CDH12: variants seen among roughly 807,000 people sequenced by gnomAD.
The protein encoded by CDH12 is cadherin 12.
A neutral mutation model predicts 74.1 loss-of-function variants in CDH12; 41 were observed. That is an observed-to-expected ratio of 0.55 (90% CI 0.43 to 0.72). CDH12 has a LOEUF of 0.72. Among genes scored for constraint, CDH12 ranks in the 30% least tolerant of loss-of-function variants. The probability of loss-of-function intolerance (pLI) is 0.00; values close to 1 mark genes in which losing one functional copy is unlikely to be tolerated. For synonymous variants in CDH12, 399 were observed against 355.0 expected (o/e 1.12, Z -1.39); for missense variants, 945 against 977.2 (o/e 0.97, Z 0.44).
intron 2 of CDH12, among the ~76,000 whole-genome samples, chr5:22,487,648 A>C (rs2126634921): frequency 6.6e-6 from 1 of 152,338 alleles, no homozygotes; most frequent in East Asian, 1.9e-4. Flanking sequence ...TATATAAATT[A>C]GAGATGCAAT....
intron 3 of CDH12, among the ~76,000 whole-genome samples, chr5:22,266,974 T>C (rs963134640): frequency 1.3e-5 from 2 of 152,138 alleles, no homozygotes; most frequent in Non-Finnish European, 2.9e-5. Flanking sequence ...TCCTGCATTT[T>C]CCTTTCTAAG....
In CDH12 at chr5:22,430,296, C is replaced by T. The variant is rs116347839; in HGVS notation, c.-427-24945G>A. On this transcript the variant is annotated intron_variant, in intron 2 of 14. Transcript: ENST00000382254. ...ACCTCATGGGATCACTTGAACCTCA[C>T]GGTACACATCAGAGAGATAAAAGAA... 7.4e-3 allele frequency among the ~76,000 whole-genome samples: 1,125 copies of T among 151,980 alleles called. 4 individuals are homozygous for T. Among genetic ancestry groups the T allele is most frequent in the Non-Finnish European group, 9.3e-3 (635 of 67,986 alleles).
At chr5:22,560,749 T>G (rs1739013588) in intron 1 of CDH12, among the ~76,000 whole-genome samples, 1 of 152,180 alleles carries the variant, frequency 6.6e-6, no homozygotes. Context: ...CAAAGGTATT[T>G]AATTTATTTT....
chr5:22,750,851 C>T (rs915793961), intron 1 of CDH12, among the ~76,000 whole-genome samples: 2 of 151,344 alleles, frequency 1.3e-5, no homozygotes, highest in African/African-American at 4.9e-5. Context: ...AAGTCAGGTC[C>T]CAACTCAACA....
intron 1 of CDH12, among the ~76,000 whole-genome samples, chr5:22,593,390 A>G (rs1260743636): frequency 6.6e-6 from 1 of 152,204 alleles, no homozygotes; most frequent in Non-Finnish European, 1.5e-5. Context: ...ATCACTGATT[A>G]GCTACCCAGA....
Position 21,864,517 on chromosome 5 carries a change from A to G in CDH12, c.527-9727T>C, listed in dbSNP as rs1173310773. 3.9e-5 allele frequency among the ~76,000 whole-genome samples: 6 copies of G among 152,118 alleles called. 1 individual carries two copies. The South Asian group carries it at 8.3e-4, about 21-fold the overall frequency. ...TGCCCATACTGGATGCAACTTCTCA[A>G]TCTTGGACTGCCTGTCCTCCAGAAC... On this transcript the variant is annotated intron_variant, in intron 6 of 14. Coordinates refer to ENST00000382254, the MANE Select transcript of CDH12 (RefSeq NM_004061.5).
At chr5:22,554,571 G>A (rs1435931420) in intron 1 of CDH12, among the ~76,000 whole-genome samples, 1 of 152,056 alleles carries the variant, frequency 6.6e-6, no homozygotes, top group Admixed American at 6.5e-5. Flanking sequence ...GGATGGTTAT[G>A]GAATGAAGGT....
At chr5:22,042,419 C>A (rs1363021157) in intron 5 of CDH12, among the ~76,000 whole-genome samples, 3 of 151,754 alleles carry the variant, frequency 2.0e-5, no homozygotes, top group African/African-American at 7.3e-5. Context: ...GAAAATAAGG[C>A]AGAAAACTCA....
chr5:22,573,377 G>A (rs1253804428), intron 1 of CDH12, among the ~76,000 whole-genome samples: 2 of 151,934 alleles, frequency 1.3e-5, no homozygotes, highest in African/African-American at 4.8e-5. Context: ...CAGTTTTCGA[G>A]AACACTTCCC....
At chr5:22,299,879 T>C (rs1737793071) in intron 3 of CDH12, among the ~76,000 whole-genome samples, 1 of 152,208 alleles carries the variant, frequency 6.6e-6, no homozygotes, top group Non-Finnish European at 1.5e-5. Context: ...GAAGTTCCTG[T>C]CATTTTTTCT....
chr5:22,343,858 G>A (rs1195931980), intron 3 of CDH12, among the ~76,000 whole-genome samples: 3 of 152,182 alleles, frequency 2.0e-5, no homozygotes, highest in Non-Finnish European at 2.9e-5. Context: ...TTCTCTCTTA[G>A]CACAACTATC....
At chr5:22,191,025 T>C (rs1199836760) in intron 4 of CDH12, among the ~76,000 whole-genome samples, 1 of 152,230 alleles carries the variant, frequency 6.6e-6, no homozygotes, top group Non-Finnish European at 1.5e-5. Flanking sequence ...TCCTGTCCCA[T>C]TCCAAACTTC....
intron 3 of CDH12, among the ~76,000 whole-genome samples, chr5:22,326,642 C>T (rs1306780130): frequency 1.3e-5 from 2 of 152,120 alleles, no homozygotes; most frequent in Non-Finnish European, 2.9e-5. Context: ...ATCCTAGACA[C>T]ACAGGAATGT....
chr5:22,462,402 G>T (rs1745557977), intron 2 of CDH12, among the ~76,000 whole-genome samples: 1 of 152,282 alleles, frequency 6.6e-6, no homozygotes, highest in East Asian at 1.9e-4. Flanking sequence ...TTAGAGGGCT[G>T]TTGGACATGG....
intron 3 of CDH12, among the ~76,000 whole-genome samples, chr5:22,393,273 T>C (rs983757429): frequency 1.3e-5 from 2 of 151,880 alleles, no homozygotes; most frequent in Non-Finnish European, 2.9e-5. Context: ...AACGTTAGAG[T>C]GAAGTGGCCA....
At chr5:22,049,310 T>C (rs1282935944) in intron 5 of CDH12, among the ~76,000 whole-genome samples, 1 of 152,088 alleles carries the variant, frequency 6.6e-6, no homozygotes, top group Non-Finnish European at 1.5e-5. Flanking sequence ...TTTTACATCA[T>C]TGTACCATGA....
At chr5:22,424,505 A>G (rs1296471868) in intron 2 of CDH12, among the ~76,000 whole-genome samples, 1 of 152,210 alleles carries the variant, frequency 6.6e-6, no homozygotes, top group East Asian at 1.9e-4. Flanking sequence ...AACTGCCACC[A>G]GAAAGTCTAT....
intron 5 of CDH12, among the ~76,000 whole-genome samples, chr5:21,977,318 A>G (rs1280577502): frequency 4.6e-5 from 7 of 152,130 alleles, no homozygotes; most frequent in African/African-American, 1.7e-4. Flanking sequence ...AAAATCAAGC[A>G]GTAGATAAAT....
chr5:22,715,994 G>A (rs545148444), intron 1 of CDH12, among the ~76,000 whole-genome samples: 4 of 151,784 alleles, frequency 2.6e-5, no homozygotes, highest in East Asian at 2.0e-4. Flanking sequence ...AAAATTAGCC[G>A]AGTGTGATGG....
Sources: gnomAD v4.1 joint callset for allele counts (sites outside exome capture counted in the v4.1 genomes callset) on GRCh38, gnomAD v4.1.1 for gene constraint, MANE v1.5 for transcripts, NCBI Gene and HGNC (gene_info 2026-07-23, HGNC 2026-07-21) for gene names.